Variants in DRC11L observed in about 807,000 individuals in gnomAD.
The protein encoded by DRC11L is dynein regulatory complex subunit like-11.
the DRC11L span, among the ~76,000 whole-genome samples, chr7:151,198,351 T>C: frequency 1.3e-5 from 2 of 150,236 alleles, no homozygotes; most frequent in African/African-American, 2.5e-5. Flanking sequence ...GATGGAAGGA[T>C]AGATAGACAG....
At chr7:151,192,950 C>T in the DRC11L span, 1 of 398,204 alleles carries the variant, frequency 2.5e-6, no homozygotes, top group Non-Finnish European at 4.4e-6. Context: ...GGAGCCCCGT[C>T]TCCACTCCCC....
chr7:151,197,849 T>C, the DRC11L span: 1 of 399,178 alleles, frequency 2.5e-6, no homozygotes, highest in Non-Finnish European at 4.4e-6. Flanking sequence ...CTGCAAAGAT[T>C]GAGTAGGATC....
chr7:151,197,121 T>TA, the DRC11L span: 46,244 of 399,686 alleles, frequency 0.12, 3,006 homozygotes, highest in East Asian at 0.23. Flanking sequence ...GCCCTAATCT[T>TA]ACCTGAACCC....
the DRC11L span, chr7:151,200,422 A>G: frequency 2.5e-6 from 1 of 399,192 alleles, no homozygotes; most frequent in Non-Finnish European, 4.4e-6. Context: ...GGTCCTGCTG[A>G]GTGCGTTTCC....
chr7:151,193,254 T>C, the DRC11L span: 1 of 399,264 alleles, frequency 2.5e-6, no homozygotes, highest in Non-Finnish European at 4.4e-6. Context: ...GCCACAGGTC[T>C]GAGAACCGCA....
At chr7:151,202,473 C>T in the DRC11L span, among the ~76,000 whole-genome samples, 1 of 152,098 alleles carries the variant, frequency 6.6e-6, no homozygotes, top group Non-Finnish European at 1.5e-5. Context: ...TACTACAAAC[C>T]CTTTTGAAAA....
chr7:151,192,209 T>G, the DRC11L span: 1 of 397,286 alleles, frequency 2.5e-6, no homozygotes, highest in East Asian at 3.6e-5. Context: ...GCAGCAGCAA[T>G]GGGGTATGGG....
the DRC11L span, chr7:151,203,417 A>G: frequency 2.5e-6 from 1 of 399,278 alleles, no homozygotes; most frequent in Non-Finnish European, 4.4e-6. Flanking sequence ...CACTGGCTCC[A>G]GTCTGGACAG....
At chr7:151,198,220 GGACAGATGGATA>G in the DRC11L span, among the ~76,000 whole-genome samples, 4 of 150,404 alleles carry the variant, frequency 2.7e-5, no homozygotes, top group Non-Finnish European at 5.9e-5. Flanking sequence ...GTGGGTGGAT[GGACAGATGGATA>G]GACAGATGGA....
chr7:151,195,550 GCCCAGC>G, the DRC11L span: 1 of 400,070 alleles, frequency 2.5e-6, no homozygotes, highest in Non-Finnish European at 4.4e-6. Flanking sequence ...GCCCTCCCCT[GCCCAGC>G]CCCAGCCCCT....
the DRC11L span, chr7:151,203,291 C>G: frequency 2.5e-6 from 1 of 398,402 alleles, no homozygotes; most frequent in Non-Finnish European, 4.4e-6. Context: ...CAGGGATTAC[C>G]TAAAGGGCAC....
At chr7:151,200,483 G>T in the DRC11L span, 1 of 399,222 alleles carries the variant, frequency 2.5e-6, no homozygotes, top group Non-Finnish European at 4.4e-6. Flanking sequence ...GGACACACAG[G>T]ACACACAGGA....
chr7:151,194,477 G>T, the DRC11L span: 1 of 399,026 alleles, frequency 2.5e-6, no homozygotes. Context: ...TTGGCACCTG[G>T]CCACAGAGTG....
chr7:151,197,870 C>T, the DRC11L span: 7 of 399,162 alleles, frequency 1.8e-5, no homozygotes, highest in Admixed American at 8.8e-5. Flanking sequence ...CACCTGAAGA[C>T]GCATCTGGAT....
chr7:151,192,859 G>A, the DRC11L span: 8 of 399,020 alleles, frequency 2.0e-5, no homozygotes, highest in East Asian at 1.8e-4. Context: ...GAAATCAGAT[G>A]TTAGATGTCT....
the DRC11L span, among the ~76,000 whole-genome samples, chr7:151,201,869 C>T: frequency 2.6e-5 from 4 of 152,156 alleles, no homozygotes; most frequent in African/African-American, 9.7e-5. This position sits in a 1 kb window ranked among gnomAD's most constrained non-coding sequence, Gnocchi z 4.1. Context: ...TGGAATTTTC[C>T]CGGGGCTCCT....
At chr7:151,204,605 C>T in the DRC11L span, 2 of 398,996 alleles carry the variant, frequency 5.0e-6, no homozygotes, top group Non-Finnish European at 8.8e-6. Context: ...GCACGCGGCC[C>T]GCCACGCCGT....
the DRC11L span, chr7:151,194,543 C>T: frequency 1.0e-5 from 4 of 399,292 alleles, no homozygotes; most frequent in East Asian, 3.6e-5. Context: ...GCTACTGACT[C>T]ACTCTTCCTT....
chr7:151,195,594 C>CT, the DRC11L span: 2 of 367,406 alleles, frequency 5.4e-6, no homozygotes, highest in Non-Finnish European at 9.7e-6. Context: ...CCTCAGGGGT[C>CT]TTTCTTCCTC....
Sources: gnomAD v4.1 joint callset for allele counts (sites outside exome capture counted in the v4.1 genomes callset) on GRCh38, gnomAD v4.1.1 for gene constraint, Gnocchi (gnomAD v3.1) non-coding constraint, MANE v1.5 for transcripts, NCBI Gene and HGNC (gene_info 2026-07-23, HGNC 2026-07-21) for gene names.